UBE2D2: variants seen among roughly 807,000 people sequenced by gnomAD.
UBE2D2 encodes the protein ubiquitin-conjugating enzyme E2 D2.
UBE2D2 carries 2 observed loss-of-function variants against 24.2 expected under a neutral mutation model. That is an observed-to-expected ratio of 0.08 (90% CI 0.03 to 0.26). The LOEUF is 0.26. Among genes scored for constraint, UBE2D2 ranks in the 10% least tolerant of loss-of-function variants. The pLI, the probability that UBE2D2 is intolerant of heterozygous loss-of-function variation, is 1.00. For missense variants in UBE2D2, 44 were observed against 177.6 expected (o/e 0.25, Z 4.28); for synonymous variants, 58 against 56.5 (o/e 1.03, Z -0.12).
At chr5:139,562,901 G>T (rs1323687117) in intron 1 of UBE2D2, among the ~76,000 whole-genome samples, 1 of 152,104 alleles carries the variant, frequency 6.6e-6, no homozygotes, top group Non-Finnish European at 1.5e-5. Context: ...TGGCTACTCA[G>T]ATTGGCTATA....
chr5:139,568,574 C>T (rs1173994784), intron 1 of UBE2D2, among the ~76,000 whole-genome samples: 3 of 151,942 alleles, frequency 2.0e-5, no homozygotes, highest in East Asian at 3.9e-4. Flanking sequence ...AGGAGAATGG[C>T]GTGAACCGGG....
intron 6 of UBE2D2, among the ~76,000 whole-genome samples, chr5:139,624,718 T>A (rs1305887913): frequency 6.6e-6 from 1 of 152,172 alleles, no homozygotes; most frequent in Non-Finnish European, 1.5e-5. Flanking sequence ...GACGTTTAGG[T>A]TGCGGTGAGC....
At chr5:139,570,335 C>T (rs925829459) in intron 1 of UBE2D2, among the ~76,000 whole-genome samples, 4 of 152,132 alleles carry the variant, frequency 2.6e-5, no homozygotes, top group African/African-American at 4.8e-5. Flanking sequence ...ACCACCACCA[C>T]CACCCCGCCT....
At chr5:139,552,008 A>C (rs1752925889) in intron 1 of UBE2D2, among the ~76,000 whole-genome samples, 1 of 152,222 alleles carries the variant, frequency 6.6e-6, no homozygotes, top group Non-Finnish European at 1.5e-5. Flanking sequence ...ATGAGAGAGA[A>C]CAACAGTACA....
chr5:139,551,692 C>T (rs1752923104), intron 1 of UBE2D2, among the ~76,000 whole-genome samples: 1 of 152,206 alleles, frequency 6.6e-6, no homozygotes, highest in Admixed American at 6.6e-5. Flanking sequence ...AACTGACAGT[C>T]TATTGAATGA....
At chr5:139,584,461 C>CAAAT (rs10642043) in intron 1 of UBE2D2, among the ~76,000 whole-genome samples, 62,036 of 151,114 alleles carry the variant, frequency 0.41, 15,722 homozygotes, top group African/African-American at 0.72. Flanking sequence ...CTAAAGTACT[C>CAAAT]AAAGAAACTC....
rs775222933 is a variant in UBE2D2, at chr5:139,614,971, CAG to C, written c.304+6_304+7del. 10 of 1,606,080 alleles carry C rather than the reference CAG, an allele frequency of 6.2e-6. No individual in the cohort carries two copies. Among genetic ancestry groups the C allele is most frequent in the Admixed American group, 3.4e-5 (2 of 58,898 alleles). ...CAGCACTAACTATTTCAAAAGGTAACAGTGGGTATTTGATATCAAGATAAAGC... is the reference window on the plus strand; with the variant it reads ...CAGCACTAACTATTTCAAAAGGTAACTGGGTATTTGATATCAAGATAAAGC... On this transcript the variant is annotated splice_donor_region_variant and intron_variant, in intron 5 of 6. Transcript: ENST00000398733.
chr5:139,533,774 A>C (rs1415491403), intron 1 of UBE2D2, among the ~76,000 whole-genome samples: 3 of 149,312 alleles, frequency 2.0e-5, no homozygotes, highest in Non-Finnish European at 4.4e-5. Context: ...CTCAGCATAA[A>C]TTAAAAAACA....
intron 5 of UBE2D2, among the ~76,000 whole-genome samples, chr5:139,623,158 T>A (rs996535871): frequency 4.0e-5 from 6 of 151,698 alleles, no homozygotes; most frequent in African/African-American, 1.5e-4. Flanking sequence ...GCCAACATGG[T>A]GAAACCCCAA....
At chr5:139,581,659 T>C (rs993971659) in intron 1 of UBE2D2, among the ~76,000 whole-genome samples, 4 of 152,030 alleles carry the variant, frequency 2.6e-5, no homozygotes, top group African/African-American at 9.7e-5. Flanking sequence ...TAATTTTATG[T>C]AGTTTGTTTG....
chr5:139,583,644 C>G (rs1753654502), intron 1 of UBE2D2, among the ~76,000 whole-genome samples: 1 of 152,248 alleles, frequency 6.6e-6, no homozygotes, highest in Non-Finnish European at 1.5e-5. Flanking sequence ...TGCCTGTAGT[C>G]TCAGCTACTC....
At chr5:139,550,432 A>G (rs1752895038) in intron 1 of UBE2D2, among the ~76,000 whole-genome samples, 1 of 152,146 alleles carries the variant, frequency 6.6e-6, no homozygotes, top group Non-Finnish European at 1.5e-5. Flanking sequence ...TGGACCAATC[A>G]GCGCTCTGTA....
chr5:139,626,072 T>TC (rs1442126555), intron 6 of UBE2D2, among the ~76,000 whole-genome samples: 1 of 151,940 alleles, frequency 6.6e-6, no homozygotes, highest in Non-Finnish European at 1.5e-5. Context: ...TGGTTTTTTT[T>TC]CCCCCTTTTT....
upstream of UBE2D2, among the ~76,000 whole-genome samples, chr5:139,560,930 A>G (rs902334940): frequency 6.6e-6 from 1 of 152,196 alleles, no homozygotes; most frequent in African/African-American, 2.4e-5. Context: ...GGACTTCAGA[A>G]GAGCTCTGTG....
intron 1 of UBE2D2, among the ~76,000 whole-genome samples, chr5:139,563,662 G>C (rs1440115519): frequency 6.6e-6 from 1 of 152,198 alleles, no homozygotes; most frequent in Non-Finnish European, 1.5e-5. Flanking sequence ...GCCGGGCGCG[G>C]TGGCTCACGC....
intron 1 of UBE2D2, among the ~76,000 whole-genome samples, chr5:139,546,740 C>T (rs1752831883): frequency 6.6e-6 from 1 of 151,946 alleles, no homozygotes; most frequent in South Asian, 2.1e-4. Context: ...CCTGCCTTAG[C>T]CTCCCAAAGT....
At chr5:139,621,733 C>T (rs949156693) in intron 5 of UBE2D2, among the ~76,000 whole-genome samples, 2 of 152,128 alleles carry the variant, frequency 1.3e-5, no homozygotes, top group Non-Finnish European at 1.5e-5. Flanking sequence ...AGTGATCCTC[C>T]CACCTCAGCC....
chr5:139,553,246 T>C (rs1042341553), intron 1 of UBE2D2, among the ~76,000 whole-genome samples: 2 of 152,166 alleles, frequency 1.3e-5, no homozygotes, highest in African/African-American at 4.8e-5. Context: ...AGCTAGGAAA[T>C]CAATAACAGG....
At chr5:139,609,331 C>G (rs140919769) in intron 2 of UBE2D2, among the ~76,000 whole-genome samples, 1,737 of 151,938 alleles carry the variant, frequency 0.011, 23 homozygotes, top group Non-Finnish European at 0.018. Flanking sequence ...CTGCTTGAGC[C>G]CAGGAGTTCA....
Sources: gnomAD v4.1 joint callset for allele counts (sites outside exome capture counted in the v4.1 genomes callset) on GRCh38, gnomAD v4.1.1 for gene constraint, MANE v1.5 for transcripts, NCBI Gene and HGNC (gene_info 2026-07-23, HGNC 2026-07-21) for gene names.